Variants in DAP observed in about 807,000 individuals in gnomAD.
DAP encodes death-associated protein 1.
Under a neutral mutation model 13.8 loss-of-function variants are expected in DAP, and 8 were observed. The ratio of observed to expected loss-of-function variants is 0.58; its 90% CI spans 0.34 to 1.05. The LOEUF (loss-of-function observed/expected upper bound fraction) is 1.05, where lower values mean the gene tolerates loss of function less well. Ranked by LOEUF, DAP falls within the 50% of genes least tolerant of loss-of-function variation. DAP has a pLI of 0.03. For missense variants in DAP, 106 were observed against 133.2 expected (o/e 0.80, Z 1.01); for synonymous variants, 47 against 47.5 (o/e 0.99, Z 0.04).
chr5:10,735,951 C>A (rs1358464714), intron 2 of DAP, among the ~76,000 whole-genome samples: 1 of 152,184 alleles, frequency 6.6e-6, no homozygotes, highest in Non-Finnish European at 1.5e-5. Flanking sequence ...TATCTACAAA[C>A]AGGGTTGTTG....
chr5:10,696,634 A>C (rs952974397), intron 2 of DAP, among the ~76,000 whole-genome samples: 41 of 152,348 alleles, frequency 2.7e-4, no homozygotes, highest in African/African-American at 8.7e-4. Context: ...GCTCATGTTT[A>C]GTGGCAATAA....
chr5:10,712,846 A>T (rs1274127283), intron 2 of DAP, among the ~76,000 whole-genome samples: 1 of 152,208 alleles, frequency 6.6e-6, no homozygotes, highest in Non-Finnish European at 1.5e-5. Context: ...CTCTGTCTGT[A>T]GCAGTAGATC....
intron 2 of DAP, among the ~76,000 whole-genome samples, chr5:10,731,408 C>T (rs1345252113): frequency 6.6e-6 from 1 of 152,238 alleles, no homozygotes; most frequent in Non-Finnish European, 1.5e-5. Flanking sequence ...ATTCTGATCT[C>T]TTGCTACCAG....
At chr5:10,741,530 G>T (rs962688079) in intron 2 of DAP, among the ~76,000 whole-genome samples, 4 of 152,212 alleles carry the variant, frequency 2.6e-5, no homozygotes, top group African/African-American at 9.6e-5. Context: ...CACAAAGTGG[G>T]TAGAGTGGTA....
At chr5:10,717,663 C>T (rs1286469721) in intron 2 of DAP, among the ~76,000 whole-genome samples, 1 of 152,144 alleles carries the variant, frequency 6.6e-6, no homozygotes, top group Admixed American at 6.5e-5. Flanking sequence ...CAGAATCCAC[C>T]CCAATACCTC....
chr5:10,682,781 A>G (rs1419112611), intron 3 of DAP, among the ~76,000 whole-genome samples: 2 of 152,270 alleles, frequency 1.3e-5, no homozygotes, highest in African/African-American at 4.8e-5. Context: ...ACACAGGAAC[A>G]TGCGACTCCC....
At chr5:10,751,637 G>T (rs1327977866) in intron 1 of DAP, among the ~76,000 whole-genome samples, 1 of 152,180 alleles carries the variant, frequency 6.6e-6, no homozygotes, top group East Asian at 1.9e-4. Flanking sequence ...CCCTTAAATT[G>T]TAATTGTATT....
At chr5:10,726,866 T>C (rs1739299894) in intron 2 of DAP, among the ~76,000 whole-genome samples, 1 of 152,044 alleles carries the variant, frequency 6.6e-6, no homozygotes, top group Non-Finnish European at 1.5e-5. Flanking sequence ...TAAGTGCCAG[T>C]CCCCACAGTG....
In DAP at chr5:10,750,282, C is replaced by T. The variant is rs115205505; in HGVS notation, c.56-2011G>A. ...GGAGAATGGGAGAGGCAGCCTGGGG[C>T]TTACATGCTTCAGGTGTACTGGTCT... On this transcript the variant is annotated intron_variant, in intron 1 of 3. Transcript: ENST00000230895. Among the ~76,000 whole-genome samples, 800 of 152,256 alleles carry T rather than the reference C, an allele frequency of 5.3e-3. 4 individuals carry two copies. The highest frequency in any genetic ancestry group is 0.018 in the African/African-American group (741 of 41,532).
rs1737970324 is a variant in DAP at position 10,680,924 on chromosome 5, G to C, written c.*132C>G. On this transcript the variant is annotated 3_prime_UTR_variant, in exon 4 of 4. Coordinates refer to ENST00000230895, the MANE Select transcript of DAP (RefSeq NM_004394.3). ...TTTAAATATGGAAATGTAAGGCAAA[G>C]GACAGAGCACTTGGTTTTGCCTTAG... 3 of 1,538,690 alleles carry C rather than the reference G, an allele frequency of 1.9e-6. No individual in the cohort carries two copies. Among genetic ancestry groups the C allele is most frequent in the Non-Finnish European group, 2.6e-6 (3 of 1,146,972 alleles).
In DAP at chr5:10,680,644, T is replaced by C. The variant is rs1446969781; in HGVS notation, c.*412A>G. On this transcript the variant is annotated 3_prime_UTR_variant, in exon 4 of 4. Coordinates refer to ENST00000230895, the MANE Select transcript of DAP (RefSeq NM_004394.3). The stretch of plus-strand genomic sequence containing the variant: ...TACTCTCCCACAGGTGTTGAGATTT[T>C]ATTGGCCCATACTAAAAAGCATGCA... 8.2e-7 allele frequency: 1 copy of C among 1,221,876 alleles called. No individual in the cohort carries two copies. The highest frequency in any genetic ancestry group is 1.1e-6 in the Non-Finnish European group (1 of 886,594). 75.7% of individuals were successfully genotyped at this position (1,221,876 alleles called of 1,614,324 possible). A position where few individuals can be genotyped will look rare whatever the true frequency, so the allele number is the denominator to read the frequency against.
intron 2 of DAP, among the ~76,000 whole-genome samples, chr5:10,721,607 C>G (rs757544671): frequency 6.6e-6 from 1 of 152,088 alleles, no homozygotes; most frequent in African/African-American, 2.4e-5. Flanking sequence ...TTAAGGTCGA[C>G]GGGAAACTAC....
chr5:10,708,723 G>A (rs1738767287), intron 2 of DAP, among the ~76,000 whole-genome samples: 1 of 152,218 alleles, frequency 6.6e-6, no homozygotes, highest in Non-Finnish European at 1.5e-5. Context: ...CGGTTGTGCA[G>A]GTGGACTCCT....
chr5:10,695,254 A>C (rs552253692), intron 2 of DAP, among the ~76,000 whole-genome samples: 7 of 152,292 alleles, frequency 4.6e-5, no homozygotes, highest in African/African-American at 1.7e-4. Context: ...TGGTCCTCTC[A>C]GCCCGCGAAC....
intron 2 of DAP, among the ~76,000 whole-genome samples, chr5:10,693,505 C>T (rs891879113): frequency 6.6e-6 from 1 of 152,172 alleles, no homozygotes; most frequent in Admixed American, 6.5e-5. Context: ...CTGAGTTAGG[C>T]GCTCCCCTTA....
chr5:10,744,881 T>C (rs1739862284), intron 2 of DAP, among the ~76,000 whole-genome samples: 2 of 152,166 alleles, frequency 1.3e-5, no homozygotes, highest in Non-Finnish European at 2.9e-5. Flanking sequence ...ACTGGAATGC[T>C]GGCACTGCCA....
At chr5:10,747,438 G>A (rs1197589584) in intron 2 of DAP, among the ~76,000 whole-genome samples, 1 of 152,190 alleles carries the variant, frequency 6.6e-6, no homozygotes, top group East Asian at 1.9e-4. Flanking sequence ...AGGACACCCA[G>A]TCACTCATAA....
chr5:10,728,723 G>A (rs1355287486), intron 2 of DAP, among the ~76,000 whole-genome samples: 3 of 152,164 alleles, frequency 2.0e-5, no homozygotes, highest in Non-Finnish European at 2.9e-5. Context: ...CACGACCACA[G>A]CACTGGACAG....
chr5:10,760,007 G>A (rs12514505), intron 1 of DAP, among the ~76,000 whole-genome samples: 10,476 of 151,982 alleles, frequency 0.069, 721 homozygotes, highest in East Asian at 0.33. Flanking sequence ...CACCCTCCTT[G>A]GCCTCCCAAA....
Sources: gnomAD v4.1 joint callset for allele counts (sites outside exome capture counted in the v4.1 genomes callset) on GRCh38, gnomAD v4.1.1 for gene constraint, MANE v1.5 for transcripts, NCBI Gene and HGNC (gene_info 2026-07-23, HGNC 2026-07-21) for gene names.